Variants in EYA4 observed in about 807,000 individuals in gnomAD.
The protein encoded by EYA4 is EYA transcriptional coactivator and phosphatase 4, also known as protein phosphatase EYA4.
Under a neutral mutation model 87.9 loss-of-function variants are expected in EYA4, and 31 were observed. That is an observed-to-expected ratio of 0.35 (90% confidence interval 0.27 to 0.48). The LOEUF is 0.48. Among genes scored for constraint, EYA4 ranks in the 20% least tolerant of loss-of-function variants. The probability of loss-of-function intolerance (pLI) is 0.99; values close to 1 mark genes in which losing one functional copy is unlikely to be tolerated. For missense variants in EYA4, 678 were observed against 761.4 expected (o/e 0.89, Z 1.29); for synonymous variants, 263 against 270.6 (o/e 0.97, Z 0.28).
intron 13 of EYA4, among the ~76,000 whole-genome samples, chr6:133,504,172 C>A (rs1798385132): frequency 6.6e-6 from 1 of 152,210 alleles, no homozygotes; most frequent in Admixed American, 6.5e-5. Context: ...CCTGCCTCAG[C>A]CTCCCAAAGT....
At chr6:133,464,890 T>C in intron 10 of EYA4, 32 bp downstream of exon 10, 1 of 1,465,774 alleles carries the variant, frequency 6.8e-7, no homozygotes, top group Non-Finnish European at 9.5e-7. Context: ...ATGCTTTTTA[T>C]ATGTATTTCA....
chr6:133,524,854 C>T lies in EYA4; in HGVS notation c.1739-300C>T, dbSNP rs61641741. ...AAACACATTTGTTTAATCATCTGTC[C>T]GAAGTAACGCCTTACCTTATTCAAA... is the stretch of plus-strand genomic sequence containing the variant. On this transcript the variant is annotated intron_variant, in intron 18 of 19. Transcript: ENST00000355286. 4.6e-5 allele frequency among the ~76,000 whole-genome samples: 7 copies of T among 152,166 alleles called. No individual in the cohort carries two copies. The East Asian group carries it at 1.4e-3, about 29-fold the overall frequency.
intron 3 of EYA4, among the ~76,000 whole-genome samples, chr6:133,436,703 G>C (rs1341838883): frequency 1.3e-5 from 2 of 152,128 alleles, no homozygotes; most frequent in Admixed American, 1.3e-4. Flanking sequence ...TGCTATTTTG[G>C]TGGACTCTTG....
At chr6:133,294,041 ATATATATATATATATATAT>A (rs1562257555) in intron 2 of EYA4, among the ~76,000 whole-genome samples, 5 of 87,400 alleles carry the variant, frequency 5.7e-5, no homozygotes, top group South Asian at 3.6e-4. Flanking sequence ...ATATATATAT[ATATATATATATATATATAT>A]ATAATTCTAT....
At chr6:133,274,851 G>A (rs751310321) in intron 2 of EYA4, 38 bp downstream of exon 2, 15 of 1,520,176 alleles carry the variant, frequency 9.9e-6, no homozygotes, top group Admixed American at 8.4e-5. Flanking sequence ...AAAAAGTTGC[G>A]ATAACACTAC....
At chr6:133,406,390 A>G (rs1173618063) in intron 3 of EYA4, among the ~76,000 whole-genome samples, 1 of 152,234 alleles carries the variant, frequency 6.6e-6, no homozygotes, top group African/African-American at 2.4e-5. Context: ...CTTGAGAGGC[A>G]TACAATGCCA....
At chr6:133,416,661 A>G (rs1789739449) in intron 3 of EYA4, among the ~76,000 whole-genome samples, 1 of 152,242 alleles carries the variant, frequency 6.6e-6, no homozygotes, top group Admixed American at 6.5e-5. Flanking sequence ...GCAAAACTGC[A>G]CATGCATAAG....
intron 2 of EYA4, among the ~76,000 whole-genome samples, chr6:133,305,171 A>G (rs571962389): frequency 1.1e-4 from 16 of 152,178 alleles, no homozygotes; most frequent in Non-Finnish European, 2.1e-4. Flanking sequence ...GCAAAGAGTC[A>G]TGAAAGTTGG....
chr6:133,377,163 A>G (rs893452258), intron 2 of EYA4, among the ~76,000 whole-genome samples: 2 of 152,050 alleles, frequency 1.3e-5, no homozygotes, highest in African/African-American at 4.8e-5. Context: ...GAAAAATGAT[A>G]CAAATCCTAT....
At chr6:133,448,242 G>C (rs1793058619) in intron 5 of EYA4, 63 bp downstream of exon 5, 3 of 1,193,990 alleles carry the variant, frequency 2.5e-6, no homozygotes, top group African/African-American at 3.0e-5. Context: ...CTGGATTGCT[G>C]TCTGTTGCTA....
At chr6:133,355,774 GT>G (rs1210277842) in intron 2 of EYA4, among the ~76,000 whole-genome samples, 1 of 152,134 alleles carries the variant, frequency 6.6e-6, no homozygotes, top group Non-Finnish European at 1.5e-5. Flanking sequence ...GATCTTGAAT[GT>G]AAAAATCAAT....
chr6:133,511,283 C>T (rs1191103109), intron 14 of EYA4, among the ~76,000 whole-genome samples: 2 of 151,960 alleles, frequency 1.3e-5, no homozygotes, highest in Non-Finnish European at 2.9e-5. Flanking sequence ...TTTCAAAAAA[C>T]CTTTGTTTAG....
chr6:133,403,167 CA>C (rs142738857), intron 3 of EYA4, among the ~76,000 whole-genome samples: 8 of 150,378 alleles, frequency 5.3e-5, no homozygotes, highest in African/African-American at 1.2e-4. Flanking sequence ...TTCAAATAGC[CA>C]AAAAAAAATT....
chr6:133,351,659 A>G (rs1783650951), intron 2 of EYA4, among the ~76,000 whole-genome samples: 2 of 152,156 alleles, frequency 1.3e-5, no homozygotes, highest in Admixed American at 1.3e-4. Flanking sequence ...TTTGTCTAAC[A>G]TCTAAAATCA....
At chr6:133,478,141 G>A (rs1283447397) in intron 11 of EYA4, among the ~76,000 whole-genome samples, 1 of 152,100 alleles carries the variant, frequency 6.6e-6, no homozygotes, top group Non-Finnish European at 1.5e-5. Flanking sequence ...AACTCTCATT[G>A]TGGTAAGAGT....
chr6:133,307,123 T>C (rs922077334), intron 2 of EYA4, among the ~76,000 whole-genome samples: 1 of 152,208 alleles, frequency 6.6e-6, no homozygotes, highest in Non-Finnish European at 1.5e-5. Flanking sequence ...CAGCACATGA[T>C]GAATGTGAGG....
At chr6:133,273,098 T>TATATATATATATATATAAAA (rs1554213960) in intron 1 of EYA4, among the ~76,000 whole-genome samples, 28 of 83,088 alleles carry the variant, frequency 3.4e-4, no homozygotes, top group South Asian at 5.7e-4. Flanking sequence ...TATATATATG[T>TATATATATATATATATAAAA]ATATATATAT....
chr6:133,516,754 G>A (rs1425329543), intron 17 of EYA4, among the ~76,000 whole-genome samples: 1 of 151,170 alleles, frequency 6.6e-6, no homozygotes, highest in Non-Finnish European at 1.5e-5. Context: ...AAAGATTAAT[G>A]AGAACGTGCA....
intron 2 of EYA4, among the ~76,000 whole-genome samples, chr6:133,327,086 A>G (rs192771463): frequency 2.0e-5 from 3 of 152,202 alleles, no homozygotes; most frequent in Admixed American, 2.0e-4. Flanking sequence ...CCTACATTTT[A>G]TAGTCATTGG....
Sources: gnomAD v4.1 joint callset for allele counts (sites outside exome capture counted in the v4.1 genomes callset) on GRCh38, gnomAD v4.1.1 for gene constraint, MANE v1.5 for transcripts, NCBI Gene and HGNC (gene_info 2026-07-23, HGNC 2026-07-21) for gene names.